Variants in SETBP1 observed in about 807,000 individuals in gnomAD.
SETBP1 encodes the protein SET-binding protein.
In SETBP1, 9 loss-of-function variants were observed where a neutral mutation model predicts 101.0. The ratio of observed to expected loss-of-function variants is 0.09; its 90% CI spans 0.05 to 0.16. SETBP1 has a LOEUF of 0.16. SETBP1 is among the 10% of genes least tolerant of loss of function. The pLI is 1.00. For missense variants in SETBP1, 1,858 were observed against 2,033.8 expected, an observed-to-expected ratio of 0.91 and a Z score of 1.66; for synonymous variants, 818 against 788.5, an observed-to-expected ratio of 1.04 and a Z score of -0.63.
chr18:44,933,477 GCTGT>G (rs2070884920), intron 3 of SETBP1, among the ~76,000 whole-genome samples: 1 of 152,232 alleles, frequency 6.6e-6, no homozygotes, highest in Non-Finnish European at 1.5e-5. Context: ...TCTCTTCAAA[GCTGT>G]CAGACAGGGA....
intron 3 of SETBP1, among the ~76,000 whole-genome samples, chr18:44,921,789 G>A (rs142240868): frequency 6.6e-6 from 1 of 152,170 alleles, no homozygotes; most frequent in African/African-American, 2.4e-5. Context: ...GGGGACGGAG[G>A]GATAAATGTC....
At chr18:44,827,841 G>C (rs1318370118) in intron 2 of SETBP1, among the ~76,000 whole-genome samples, 1 of 152,142 alleles carries the variant, frequency 6.6e-6, no homozygotes, top group Non-Finnish European at 1.5e-5. Context: ...AACCAGCTCT[G>C]CCATGGGTAC....
At chr18:44,730,112 C>T (rs181365508) in intron 2 of SETBP1, among the ~76,000 whole-genome samples, 121 of 152,300 alleles carry the variant, frequency 7.9e-4, no homozygotes, top group African/African-American at 2.8e-3. Context: ...CTTATCTGCC[C>T]TTGTTATATG....
chr18:44,884,577 T>C (rs533121246), intron 3 of SETBP1, among the ~76,000 whole-genome samples: 2 of 152,216 alleles, frequency 1.3e-5, no homozygotes, highest in African/African-American at 4.8e-5. Context: ...TGACTTTGGA[T>C]TCAGAAGCCA....
intron 4 of SETBP1, among the ~76,000 whole-genome samples, chr18:45,004,600 C>T (rs1278591269): frequency 2.6e-5 from 4 of 152,212 alleles, no homozygotes; most frequent in Non-Finnish European, 4.4e-5. Flanking sequence ...GACCAGGTGT[C>T]CTGAGATCTA....
intron 2 of SETBP1, among the ~76,000 whole-genome samples, chr18:44,847,940 A>C (rs2072756338): frequency 6.6e-6 from 1 of 152,146 alleles, no homozygotes; most frequent in African/African-American, 2.4e-5. Context: ...TTCCAGGCAG[A>C]GAAAACAGCA....
intron 4 of SETBP1, among the ~76,000 whole-genome samples, chr18:44,959,078 G>A (rs999380367): frequency 3.3e-5 from 5 of 152,174 alleles, no homozygotes; most frequent in Non-Finnish European, 5.9e-5. Context: ...TGAAGTCCCC[G>A]AGCCATTTAT....
At chr18:44,992,790 T>C (rs1599421674) in intron 4 of SETBP1, among the ~76,000 whole-genome samples, 1 of 152,108 alleles carries the variant, frequency 6.6e-6, no homozygotes, top group East Asian at 1.9e-4. Context: ...ACAAACTTGC[T>C]TAGATTATAG....
intron 4 of SETBP1, among the ~76,000 whole-genome samples, chr18:45,005,032 C>T (rs949596148): frequency 6.6e-6 from 1 of 152,172 alleles, no homozygotes; most frequent in Non-Finnish European, 1.5e-5. Context: ...GCCAAGTGAT[C>T]TGCAGAGTCC....
intron 5 of SETBP1, among the ~76,000 whole-genome samples, chr18:45,042,083 T>C (rs2073519298): frequency 6.6e-6 from 1 of 151,988 alleles, no homozygotes; most frequent in African/African-American, 2.4e-5. Flanking sequence ...AGTAGCTGTA[T>C]GCTTTTACAG....
At chr18:44,689,152 G>A (rs539670422) in intron 1 of SETBP1, among the ~76,000 whole-genome samples, 159 of 152,356 alleles carry the variant, frequency 1.0e-3, no homozygotes, top group Middle Eastern at 3.4e-3. Context: ...GATGGAAGAT[G>A]TAGAACAAAG....
At chr18:44,875,489 G>T (rs190374234) in intron 3 of SETBP1, among the ~76,000 whole-genome samples, 1 of 136,210 alleles carries the variant, frequency 7.3e-6, no homozygotes, top group African/African-American at 2.8e-5. Context: ...AGATCGCGCC[G>T]CTGCACTCCA....
At chr18:45,059,705 C>G (rs868352256) in intron 5 of SETBP1, among the ~76,000 whole-genome samples, 116 of 152,304 alleles carry the variant, frequency 7.6e-4, no homozygotes, top group African/African-American at 2.6e-3. Flanking sequence ...TTCAGTTTCT[C>G]AGTCACACCA....
At chr18:44,975,491 A>G (rs537982515) in intron 4 of SETBP1, among the ~76,000 whole-genome samples, 12 of 152,304 alleles carry the variant, frequency 7.9e-5, no homozygotes, top group Non-Finnish European at 1.5e-4. Context: ...AGTGAACTCA[A>G]TGTAAGTGAA....
chr18:45,018,279 T>G (rs1040504860), intron 4 of SETBP1, among the ~76,000 whole-genome samples: 1 of 152,232 alleles, frequency 6.6e-6, no homozygotes. Context: ...TTTATAATAT[T>G]TATAGACTTG....
chr18:45,058,761 A>G (rs1050274498), intron 5 of SETBP1, among the ~76,000 whole-genome samples: 2 of 152,256 alleles, frequency 1.3e-5, no homozygotes, highest in Non-Finnish European at 2.9e-5. Context: ...TGTGCAAAAG[A>G]ACGAGGGATA....
intron 2 of SETBP1, among the ~76,000 whole-genome samples, chr18:44,745,166 A>G (rs1205879632): frequency 6.6e-6 from 1 of 152,190 alleles, no homozygotes; most frequent in East Asian, 1.9e-4. Flanking sequence ...CTCCTTGTGA[A>G]GCTCTCAGAG....
rs1308636141 is a variant in SETBP1, at chr18:45,063,343, T to G, written c.4436T>G (p.Ile1479Ser). Residue 1479 changes from isoleucine to serine, a missense_variant, in exon 6 of 6, where the codon ATC becomes AGC. Around this residue, in one of 12 missense-constraint regions of SETBP1, gnomAD observed 178 missense variants for 189.1 expected, o/e 0.94. Transcript: ENST00000649279. Reference sequence around the variant, plus strand: ...CAAATGCCGGTGCTGGAAAAATGCATCGACCTGCCCAGCAAAAGAGGCCAG... The same window carrying G: ...CAAATGCCGGTGCTGGAAAAATGCAGCGACCTGCCCAGCAAAAGAGGCCAG... ...RDQMPVLEKCIDLPSKRGQKP... is the reference protein window; with the variant it reads ...RDQMPVLEKCSDLPSKRGQKP... 6.3e-7 allele frequency: 1 copy of G among 1,586,390 alleles called. No homozygotes were observed. Among genetic ancestry groups the G allele is most frequent in the East Asian group, 2.3e-5 (1 of 42,756 alleles).
chr18:44,840,861 A>G (rs538439793), intron 2 of SETBP1, among the ~76,000 whole-genome samples: 46 of 152,324 alleles, frequency 3.0e-4, no homozygotes, highest in African/African-American at 1.1e-3. Context: ...CTCACTTTCA[A>G]TTGGTCTGGA....
Sources: allele counts gnomAD v4.1 joint callset (sites outside exome capture counted in the v4.1 genomes callset), GRCh38; gene constraint gnomAD v4.1.1; regional missense constraint gnomAD v4.1.1; transcripts MANE v1.5; gene names NCBI Gene and HGNC (gene_info 2026-07-23, HGNC 2026-07-21).